The following KIAA1549L variants were observed in gnomAD, a reference collection of about 807,000 sequenced individuals.
KIAA1549L encodes the protein UPF0606 protein KIAA1549L.
In KIAA1549L, 88 loss-of-function variants were observed where a neutral mutation model predicts 160.7. The ratio of observed to expected loss-of-function variants is 0.55; its 90% CI spans 0.46 to 0.65. The LOEUF (loss-of-function observed/expected upper bound fraction) is 0.65. Among genes scored for constraint, KIAA1549L ranks in the 30% least tolerant of loss-of-function variants. The pLI, the probability that KIAA1549L is intolerant of heterozygous loss-of-function variation, is 0.00. For missense variants in KIAA1549L, 2,258 were observed against 2,437.5 expected (o/e 0.93, Z 1.55); for synonymous variants, 950 against 976.7 (o/e 0.97, Z 0.51).
intron 14 of KIAA1549L, among the ~76,000 whole-genome samples, chr11:33,608,239 A>C (rs1037167690): frequency 6.6e-6 from 1 of 152,218 alleles, no homozygotes; most frequent in African/African-American, 2.4e-5. Flanking sequence ...GTGAAGATCA[A>C]ATTGTTTAAT....
intron 1 of KIAA1549L, among the ~76,000 whole-genome samples, chr11:33,465,273 C>T (rs921659513): frequency 6.6e-6 from 1 of 152,014 alleles, no homozygotes; most frequent in African/African-American, 2.4e-5. Context: ...AGGCTACTCT[C>T]AAACTCCTGA....
At position 33,463,694 on chromosome 11, in the gene KIAA1549L, T is replaced by C. The variant is rs550905807; in HGVS notation, c.239-78108T>C. ...AGCATGATTAGGAGAGACTGCCTTA[T>C]GTCATTTTAACTTACTCTCTATGAT... On this transcript the variant is annotated intron_variant, in intron 1 of 20. Transcript: ENST00000658780. Among the ~76,000 whole-genome samples, 4 of 152,356 alleles carry C rather than the reference T, an allele frequency of 2.6e-5. No homozygotes were observed. The East Asian group carries it at 7.7e-4, about 29-fold the overall frequency.
chr11:33,658,334 G>A (rs1345059119), intron 18 of KIAA1549L, among the ~76,000 whole-genome samples: 1 of 152,150 alleles, frequency 6.6e-6, no homozygotes, highest in Non-Finnish European at 1.5e-5. Context: ...GGTGAGAAGG[G>A]AGCAACCAGG....
In KIAA1549L at chr11:33,494,712, T is replaced by C. The variant is rs113363863; in HGVS notation, c.239-47090T>C. On this transcript the variant is annotated intron_variant, in intron 1 of 20. Transcript: ENST00000658780. ...AATGGAAATTTTTCCAAAAGCCAGATTTCATTTTGATTGTGTTGCAAATCC... is the reference window on the plus strand; with the variant it reads ...AATGGAAATTTTTCCAAAAGCCAGACTTCATTTTGATTGTGTTGCAAATCC... Among the ~76,000 whole-genome samples, 373 of 152,288 alleles carry C rather than the reference T, an allele frequency of 2.4e-3. 4 individuals carry two copies. The South Asian group carries it at 0.025, about 10-fold the overall frequency.
chr11:33,620,064 C>A (rs11601040), intron 16 of KIAA1549L, among the ~76,000 whole-genome samples: 40,949 of 152,064 alleles, frequency 0.27, 5,899 homozygotes, highest in Middle Eastern at 0.38. Flanking sequence ...GACACCTTGA[C>A]AGTTTTGAGG....
chr11:33,572,196 C>T (rs191888401), intron 9 of KIAA1549L, among the ~76,000 whole-genome samples: 1,936 of 152,070 alleles, frequency 0.013, 24 homozygotes, highest in Non-Finnish European at 0.017. Flanking sequence ...GCCACCACGC[C>T]CAGCTAATTT....
At chr11:33,550,939 C>A in intron 4 of KIAA1549L, 101 bp from the exon 5 acceptor site, 1 of 919,012 alleles carries the variant, frequency 1.1e-6, no homozygotes, top group South Asian at 1.4e-5. Flanking sequence ...ATTCTATTCT[C>A]CAGTCTTGTT....
At position 33,568,128 on chromosome 11, in the gene KIAA1549L, C is replaced by T; in HGVS notation, c.4131C>T (p.Ala1377=). Residue 1377 remains alanine (A), a synonymous_variant, in exon 9 of 21, where the codon GCC becomes GCT. Transcript: ENST00000658780. ...SLVGLHNQSF[A]RVMEQRLAQL... is the part of the protein sequence containing the mutation. The stretch of plus-strand genomic sequence containing the variant: ...TGGGCCTGCACAACCAGAGCTTTGC[C>T]CGGGTCATGGAGCAGCGCCTGGCCC... The T allele has an allele frequency of 2.5e-6, 4 of 1,612,970 alleles. 1 individual carries two copies. The highest frequency in any genetic ancestry group is 3.4e-6 in the Non-Finnish European group (4 of 1,179,516).
At chr11:33,594,572 A>C (rs1206912033) in intron 12 of KIAA1549L, among the ~76,000 whole-genome samples, 1 of 152,218 alleles carries the variant, frequency 6.6e-6, no homozygotes, top group Non-Finnish European at 1.5e-5. Context: ...GCAGAGCAGC[A>C]AGAAAAACAA....
chr11:33,577,521 A>C (rs1855491269), intron 10 of KIAA1549L, among the ~76,000 whole-genome samples: 1 of 152,210 alleles, frequency 6.6e-6, no homozygotes, highest in African/African-American at 2.4e-5. Flanking sequence ...AGGGGTCCGC[A>C]GGGACAGCTG....
intron 16 of KIAA1549L, among the ~76,000 whole-genome samples, chr11:33,644,247 C>T (rs563784888): frequency 1.3e-5 from 2 of 152,272 alleles, no homozygotes; most frequent in East Asian, 1.9e-4. Context: ...TGACAAGAAA[C>T]GTGTAATTTT....
chr11:33,429,369 G>A (rs1456810477), intron 1 of KIAA1549L, among the ~76,000 whole-genome samples: 5 of 152,126 alleles, frequency 3.3e-5, no homozygotes, highest in African/African-American at 1.2e-4. Flanking sequence ...TTTAAAAATC[G>A]GGTTGCTTGT....
chr11:33,417,236 C>T (rs1220974113), intron 1 of KIAA1549L, among the ~76,000 whole-genome samples: 1 of 152,190 alleles, frequency 6.6e-6, no homozygotes, highest in Non-Finnish European at 1.5e-5. Context: ...GTTTTTCAAA[C>T]TTTCTGATCG....
rs1372996395 is a variant in KIAA1549L, at chr11:33,669,715, T to G, written c.*1561T>G. ...AATGGAACTGATTAGAAGGGGAGGT[T>G]CAAACTGTCAATGCACAGACTTTTC... On this transcript the variant is annotated 3_prime_UTR_variant, in exon 21 of 21. Transcript: ENST00000658780. 6.6e-6 allele frequency: 1 copy of G among 152,228 alleles called. No individual in the cohort carries two copies. Among genetic ancestry groups the G allele is most frequent in the Admixed American group, 6.5e-5 (1 of 15,288 alleles). 9.4% of individuals were successfully genotyped at this position (152,228 alleles called of 1,614,324 possible).
At chr11:33,556,138 T>A (rs1447307275) in intron 6 of KIAA1549L, among the ~76,000 whole-genome samples, 2 of 152,174 alleles carry the variant, frequency 1.3e-5, no homozygotes, top group Non-Finnish European at 2.9e-5. Flanking sequence ...GGATGGCTAT[T>A]CTCAAAAAAT....
intron 1 of KIAA1549L, among the ~76,000 whole-genome samples, chr11:33,435,798 A>ATATATGTGTGTG (rs1565135872): frequency 1.2e-3 from 9 of 7,620 alleles, no homozygotes; most frequent in Non-Finnish European, 1.6e-3. Context: ...ATATATATAT[A>ATATATGTGTGTG]TATATATATA....
chr11:33,627,505 A>T (rs1271828117), intron 16 of KIAA1549L, among the ~76,000 whole-genome samples: 2 of 151,908 alleles, frequency 1.3e-5, no homozygotes, highest in Non-Finnish European at 2.9e-5. Context: ...TGTGTCGAGG[A>T]ATTTATCCAT....
chr11:33,424,348 G>C (rs1310653602), intron 1 of KIAA1549L, among the ~76,000 whole-genome samples: 1 of 152,134 alleles, frequency 6.6e-6, no homozygotes, highest in Non-Finnish European at 1.5e-5. Context: ...ACCACAACAA[G>C]TTCATTCCTC....
chr11:33,517,384 C>T (rs963913064), intron 1 of KIAA1549L, among the ~76,000 whole-genome samples: 6 of 152,134 alleles, frequency 3.9e-5, no homozygotes, highest in Non-Finnish European at 8.8e-5. Flanking sequence ...CTAATGCAAA[C>T]ATAAAGATGA....
Sources: gnomAD v4.1 joint callset for allele counts (sites outside exome capture counted in the v4.1 genomes callset) on GRCh38, gnomAD v4.1.1 for gene constraint, MANE v1.5 for transcripts, NCBI Gene and HGNC (gene_info 2026-07-23, HGNC 2026-07-21) for gene names.